TNFRSF11A: variants seen among roughly 807,000 people sequenced by gnomAD.
TNFRSF11A encodes TNF receptor superfamily member 11a.
In TNFRSF11A, 32 loss-of-function variants were observed where a neutral mutation model predicts 55.7. The observed-to-expected ratio is 0.57, with a 90% CI of 0.43 to 0.77. The LOEUF (loss-of-function observed/expected upper bound fraction) is 0.77. TNFRSF11A is among the 30% of genes least tolerant of loss of function. The pLI, the probability that TNFRSF11A is intolerant of heterozygous loss-of-function variation, is 0.00. For synonymous variants in TNFRSF11A, 311 were observed against 331.0 expected (o/e 0.94, Z 0.65); for missense variants, 753 against 809.8 (o/e 0.93, Z 0.85).
intron 1 of TNFRSF11A, among the ~76,000 whole-genome samples, chr18:62,343,187 G>T (rs1467062692): frequency 6.6e-6 from 1 of 152,168 alleles, no homozygotes; most frequent in East Asian, 1.9e-4. Flanking sequence ...CCTTACTGAA[G>T]TTATAGCCAA....
chr18:62,377,374 A>G (rs747904565), intron 9 of TNFRSF11A, among the ~76,000 whole-genome samples: 7 of 152,246 alleles, frequency 4.6e-5, no homozygotes, highest in Non-Finnish European at 7.3e-5. Flanking sequence ...TTGTGTGGAC[A>G]TAAGTTTTCA....
intron 9 of TNFRSF11A, 98 bp downstream of exon 9, chr18:62,369,582 T>C: frequency 6.9e-7 from 1 of 1,451,270 alleles, no homozygotes; most frequent in Non-Finnish European, 9.5e-7. Context: ...AGGAAGCTAA[T>C]GGGAAAACCT....
intron 3 of TNFRSF11A, among the ~76,000 whole-genome samples, chr18:62,352,130 C>T (rs1343571267): frequency 6.6e-6 from 1 of 152,224 alleles, no homozygotes; most frequent in Non-Finnish European, 1.5e-5. Flanking sequence ...CAGATTGTCA[C>T]ATTTCTATGA....
chr18:62,365,848 C>T (rs1910044294), intron 7 of TNFRSF11A, among the ~76,000 whole-genome samples: 1 of 151,616 alleles, frequency 6.6e-6, no homozygotes, highest in African/African-American at 2.4e-5. Flanking sequence ...GACAGAGTTT[C>T]GCTCTGTTGC....
At chr18:62,376,538 GC>G in intron 9 of TNFRSF11A, among the ~76,000 whole-genome samples, 1 of 152,074 alleles carries the variant, frequency 6.6e-6, no homozygotes, top group Middle Eastern at 3.4e-3. Flanking sequence ...TATACCTCCT[GC>G]CCCCCACACA....
At chr18:62,384,295 T>C in intron 9 of TNFRSF11A, among the ~76,000 whole-genome samples, 1 of 133,184 alleles carries the variant, frequency 7.5e-6, no homozygotes, top group Non-Finnish European at 1.6e-5. Context: ...CCTCCTCCTT[T>C]TCCTCCCCTC....
chr18:62,369,598 T>G, intron 9 of TNFRSF11A, 114 bp downstream of exon 9: 1 of 1,367,394 alleles, frequency 7.3e-7, no homozygotes, highest in Non-Finnish European at 1.0e-6. Context: ...AACCTCAGCT[T>G]GTGCTTTTTC....
chr18:62,327,900 G>T (rs941040794), intron 1 of TNFRSF11A, among the ~76,000 whole-genome samples: 1 of 152,224 alleles, frequency 6.6e-6, no homozygotes, highest in Admixed American at 6.5e-5. Flanking sequence ...TTTGCCTACA[G>T]ATAAAAACAT....
chr18:62,360,507 C>T (rs530818561), intron 6 of TNFRSF11A, among the ~76,000 whole-genome samples: 3 of 151,318 alleles, frequency 2.0e-5, no homozygotes, highest in East Asian at 1.9e-4. Context: ...AGTGCAGTGG[C>T]GTGATATCAG....
At chr18:62,369,761 A>G (rs1910396493) in intron 9 of TNFRSF11A, among the ~76,000 whole-genome samples, 1 of 152,174 alleles carries the variant, frequency 6.6e-6, no homozygotes, top group Non-Finnish European at 1.5e-5. Flanking sequence ...GCTTTTCATG[A>G]TAGGATTAGA....
intron 9 of TNFRSF11A, among the ~76,000 whole-genome samples, chr18:62,378,825 C>T (rs1178089531): frequency 6.6e-6 from 1 of 152,198 alleles, no homozygotes; most frequent in Non-Finnish European, 1.5e-5. Context: ...AGAGCCAAGT[C>T]TCAGGACAAG....
intron 1 of TNFRSF11A, among the ~76,000 whole-genome samples, chr18:62,346,620 G>C (rs760347417): frequency 6.6e-6 from 1 of 152,088 alleles, no homozygotes; most frequent in Non-Finnish European, 1.5e-5. Context: ...TAACACACTG[G>C]GACCTTCTCA....
intron 1 of TNFRSF11A, among the ~76,000 whole-genome samples, chr18:62,328,667 G>A (rs868153845): frequency 6.6e-6 from 1 of 152,196 alleles, no homozygotes; most frequent in Non-Finnish European, 1.5e-5. Context: ...GTGGGTGGGT[G>A]CTCTGTGCCA....
chr18:62,361,902 T>A, intron 7 of TNFRSF11A, 109 bp downstream of exon 7: 2 of 1,025,810 alleles, frequency 1.9e-6, no homozygotes, highest in Non-Finnish European at 3.1e-6. Flanking sequence ...GTGATCTGCT[T>A]AAACTAAAGC....
chr18:62,348,267 C>T lies in TNFRSF11A; in HGVS notation c.157+18C>T. The stretch of plus-strand genomic sequence containing the variant: ...TGAACCAGGTACACCTGCTTCTGAG[C>T]CACCTTGCATTGCCCCTCAAAAGTG... On this transcript the variant is annotated intron_variant, in intron 2 of 9. Coordinates refer to ENST00000586569, the MANE Select transcript of TNFRSF11A (RefSeq NM_003839.4). The T allele has an allele frequency of 6.2e-7, 1 of 1,609,760 alleles. No individual in the cohort carries two copies. The highest frequency in any genetic ancestry group is 8.5e-7 in the Non-Finnish European group (1 of 1,176,132).
At chr18:62,341,410 G>T (rs2046308146) in intron 1 of TNFRSF11A, among the ~76,000 whole-genome samples, 1 of 152,228 alleles carries the variant, frequency 6.6e-6, no homozygotes. Flanking sequence ...GCACAAGGAT[G>T]GTTTGTGCGG....
At chr18:62,357,917 A>G in intron 4 of TNFRSF11A, 1 of 306,546 alleles carries the variant, frequency 3.3e-6, no homozygotes, top group South Asian at 3.7e-5. Context: ...GTCGGTGACC[A>G]GGGGAGTGGC....
At chr18:62,361,608 CG>C in intron 6 of TNFRSF11A, 71 bp from the exon 7 acceptor site, 1 of 1,406,618 alleles carries the variant, frequency 7.1e-7, no homozygotes, top group Non-Finnish European at 1.0e-6. Context: ...TTTGATTTAC[CG>C]GGATTTGTTT....
intron 9 of TNFRSF11A, among the ~76,000 whole-genome samples, chr18:62,378,940 C>T (rs918364968): frequency 1.3e-5 from 2 of 152,218 alleles, no homozygotes; most frequent in Non-Finnish European, 2.9e-5. Context: ...TTATTCACCT[C>T]TGCTCTTCAG....
Sources: gnomAD v4.1 joint callset for allele counts (sites outside exome capture counted in the v4.1 genomes callset) on GRCh38, gnomAD v4.1.1 for gene constraint, MANE v1.5 for transcripts, NCBI Gene and HGNC (gene_info 2026-07-23, HGNC 2026-07-21) for gene names.